Variants in CD302 observed in about 807,000 individuals in gnomAD.
CD302 encodes CD302 molecule.
A neutral mutation model predicts 26.5 loss-of-function variants in CD302; 23 were observed. That is an observed-to-expected ratio of 0.87 (90% CI 0.62 to 1.23). The LOEUF (loss-of-function observed/expected upper bound fraction) is 1.23. Ranked by LOEUF, CD302 falls within the 50% of genes most tolerant of loss-of-function variation. The pLI is 0.00. For missense variants in CD302, 290 were observed against 275.5 expected (o/e 1.05, Z -0.37); for synonymous variants, 90 against 99.4 (o/e 0.91, Z 0.56).
At chr2:159,796,808 A>G (rs1193931564) in intron 1 of CD302, among the ~76,000 whole-genome samples, 2 of 152,334 alleles carry the variant, frequency 1.3e-5, no homozygotes, top group African/African-American at 2.4e-5. Context: ...ATTTTCTTTA[A>G]AAGTCTGACA....
intron 2 of CD302, among the ~76,000 whole-genome samples, chr2:159,781,831 G>T (rs1247282159): frequency 6.6e-6 from 1 of 152,172 alleles, no homozygotes; most frequent in Non-Finnish European, 1.5e-5. Context: ...TAAGTACTAT[G>T]TGGCGCTTTA....
intron 1 of CD302, among the ~76,000 whole-genome samples, chr2:159,788,709 A>G (rs181353626): frequency 1.3e-5 from 2 of 152,280 alleles, no homozygotes; most frequent in East Asian, 3.9e-4. Flanking sequence ...GCAGTTTTAC[A>G]GTGGCATGCT....
In CD302 at chr2:159,798,113, G is replaced by A. The variant is rs777168646; in HGVS notation, c.67+19C>T. 55 of 1,495,800 alleles carry A rather than the reference G, an allele frequency of 3.7e-5. No individual in the cohort carries two copies. The highest frequency in any genetic ancestry group is 4.7e-5 in the Non-Finnish European group (53 of 1,128,268). 92.7% of individuals were successfully genotyped at this position (1,495,800 alleles called of 1,614,324 possible). On this transcript the variant is annotated intron_variant, in intron 1 of 5. Coordinates refer to ENST00000259053, the MANE Select transcript of CD302 (RefSeq NM_014880.5). ...GGCGGTCGCGCACGGTCCCGGCGAG[G>A]GACTACGTAAGGGCTTACCCGCGAC...
At chr2:159,772,950 A>G (rs1173177278) in intron 5 of CD302, among the ~76,000 whole-genome samples, 1 of 152,108 alleles carries the variant, frequency 6.6e-6, no homozygotes, top group Non-Finnish European at 1.5e-5. Context: ...TATCTTTTTA[A>G]TTCTGAAATA....
intron 5 of CD302, among the ~76,000 whole-genome samples, chr2:159,776,359 TCAAA>T (rs770886447): frequency 1.3e-5 from 2 of 152,164 alleles, no homozygotes; most frequent in Non-Finnish European, 2.9e-5. Flanking sequence ...TACACAAATA[TCAAA>T]CAGATGGGTG....
Position 159,780,072 on chromosome 2 carries a change from CTT to C in CD302, c.400_401del (p.Lys134AspfsTer3). The C allele has an allele frequency of 5.0e-6, 8 of 1,614,190 alleles. No homozygotes were observed. Among genetic ancestry groups the C allele is most frequent in the Non-Finnish European group, 6.8e-6 (8 of 1,180,018 alleles). The stretch of plus-strand genomic sequence containing the variant: ...AATTTCCTTTTTTCCATTCACCTGT[CTT>C]GATGTGCAGAAAAGCACAGGTGTCA... ...LVDTCAFLHI[K>X]TGEWKKGNCE... On this transcript the variant is annotated frameshift_variant, in exon 4 of 6. Transcript: ENST00000259053. LOFTEE classifies it high-confidence loss of function.
intron 1 of CD302, among the ~76,000 whole-genome samples, chr2:159,787,854 C>T (rs1708707926): frequency 6.6e-6 from 1 of 152,218 alleles, no homozygotes. Context: ...GTGGCTCACG[C>T]CTGTAATCCC....
At chr2:159,786,615 T>A (rs939242116) in intron 1 of CD302, among the ~76,000 whole-genome samples, 1 of 152,192 alleles carries the variant, frequency 6.6e-6, no homozygotes, top group African/African-American at 2.4e-5. Context: ...ATTACAGGCA[T>A]GAGCCACTGC....
At chr2:159,781,826 A>C (rs192394677) in intron 2 of CD302, among the ~76,000 whole-genome samples, 1 of 152,206 alleles carries the variant, frequency 6.6e-6, no homozygotes, top group Non-Finnish European at 1.5e-5. Context: ...TGTATTAAGT[A>C]CTATGTGGCG....
intron 5 of CD302, among the ~76,000 whole-genome samples, chr2:159,773,317 T>C (rs1708213476): frequency 6.6e-6 from 1 of 152,198 alleles, no homozygotes; most frequent in African/African-American, 2.4e-5. Flanking sequence ...CCCAGCCCCG[T>C]AGTTAGTTTT....
intron 1 of CD302, among the ~76,000 whole-genome samples, chr2:159,793,007 G>C (rs1708850561): frequency 1.3e-5 from 2 of 152,188 alleles, no homozygotes; most frequent in African/African-American, 4.8e-5. Context: ...CCTGTGAGGA[G>C]ATTGTTGACG....
chr2:159,779,834 G>A (rs992258868), intron 4 of CD302, among the ~76,000 whole-genome samples, 171 bp downstream of exon 4: 2 of 151,902 alleles, frequency 1.3e-5, no homozygotes, highest in Non-Finnish European at 2.9e-5. Flanking sequence ...CAACTCCTGC[G>A]CTCAAGCAAT....
intron 2 of CD302, 81 bp from the exon 3 acceptor site, chr2:159,781,079 G>A (rs1708491966): frequency 2.7e-6 from 3 of 1,114,958 alleles, no homozygotes; most frequent in African/African-American, 1.6e-5. Flanking sequence ...ATAATAAATA[G>A]TTGCTTAACT....
At chr2:159,785,041 C>G (rs1708630418) in intron 1 of CD302, among the ~76,000 whole-genome samples, 2 of 148,316 alleles carry the variant, frequency 1.3e-5, no homozygotes, top group East Asian at 4.0e-4. Context: ...GTGGCATGAC[C>G]TTGGCTCACT....
chr2:159,792,713 A>G (rs753486729), intron 1 of CD302, among the ~76,000 whole-genome samples: 3 of 152,092 alleles, frequency 2.0e-5, no homozygotes, highest in Non-Finnish European at 4.4e-5. Flanking sequence ...TAAGTCGAGG[A>G]GCATCTGCAT....
At chr2:159,778,834 A>C (rs962203602) in intron 4 of CD302, among the ~76,000 whole-genome samples, 1 of 151,646 alleles carries the variant, frequency 6.6e-6, no homozygotes, top group African/African-American at 2.4e-5. Context: ...ATTTTCTTTA[A>C]TGAGAAAACA....
intron 2 of CD302, among the ~76,000 whole-genome samples, chr2:159,781,257 T>C (rs1415828817): frequency 6.6e-6 from 1 of 151,878 alleles, no homozygotes; most frequent in East Asian, 1.9e-4. Flanking sequence ...GGATGGAAAA[T>C]AGTTGTAGGG....
chr2:159,780,375 AGAT>A (rs376800091), intron 3 of CD302, among the ~76,000 whole-genome samples, 197 bp from the exon 4 acceptor site: 6 of 152,220 alleles, frequency 3.9e-5, no homozygotes, highest in African/African-American at 1.4e-4. Flanking sequence ...AGGTTTCTGA[AGAT>A]GATCCAATTT....
intron 5 of CD302, among the ~76,000 whole-genome samples, chr2:159,776,807 C>T (rs1020681924): frequency 1.3e-5 from 2 of 149,700 alleles, no homozygotes; most frequent in African/African-American, 5.0e-5. Context: ...CAAATTCATG[C>T]AATTCTCCCT....
Sources: gnomAD v4.1 joint callset for allele counts (sites outside exome capture counted in the v4.1 genomes callset) on GRCh38, gnomAD v4.1.1 for gene constraint, MANE v1.5 for transcripts, NCBI Gene and HGNC (gene_info 2026-07-23, HGNC 2026-07-21) for gene names.